The following HCN4 variants were observed in gnomAD, a reference collection of about 807,000 sequenced individuals.
The protein encoded by HCN4 is hyperpolarization activated cyclic nucleotide gated potassium channel 4.
In HCN4, 29 loss-of-function variants were observed where a neutral mutation model predicts 76.9. The observed-to-expected ratio is 0.38, with a 90% CI of 0.28 to 0.51. HCN4 has a LOEUF of 0.51. HCN4 is among the 20% of genes least tolerant of loss of function. HCN4 has a pLI of 0.90. For missense variants in HCN4, 1,416 were observed against 1,715.2 expected, an observed-to-expected ratio of 0.83 and a Z score of 3.08; for synonymous variants, 772 against 762.5, an observed-to-expected ratio of 1.01 and a Z score of -0.21.
Position 73,323,263 on chromosome 15 carries a change from C to T in HCN4, c.2830G>A (p.Ala944Thr), listed in dbSNP as rs777648103. Residue 944 changes from alanine (A) to threonine (T), a missense_variant, in exon 8 of 8, where the codon GCG becomes ACG. Physicochemically the swap from Ala to Thr is moderately conservative, Grantham distance 58. This residue lies in a region of HCN4 where 633 missense variants were observed against 579.8 expected (regional missense o/e 1.09). Transcript: ENST00000261917. ...RSPQAAQPSP[A>T]PPGARGGLGL... ...AGGCCTCCCCGGGCCCCGGGTGGCGCGGGAGATGGCTGGGCAGCCTGCGGG... is the reference window on the plus strand; with the variant it reads ...AGGCCTCCCCGGGCCCCGGGTGGCGTGGGAGATGGCTGGGCAGCCTGCGGG... 8.7e-5 allele frequency: 133 copies of T among 1,525,026 alleles called. No homozygotes were observed. In the South Asian group the frequency reaches 1.3e-3, roughly 14 times the overall value. 94.5% of individuals were successfully genotyped at this position (1,525,026 alleles called of 1,614,324 possible).
chr15:73,338,464 A>G (rs1353746437), intron 2 of HCN4, among the ~76,000 whole-genome samples: 1 of 152,128 alleles, frequency 6.6e-6, no homozygotes, highest in Non-Finnish European at 1.5e-5. Context: ...TTCCACCCCG[A>G]GCCTCAGTTT....
rs947950341 is a variant in HCN4 at position 73,322,625 on chromosome 15, T to C, written c.3468A>G (p.Thr1156=). ...PGQHVTLPRK[T]SSGSLPPPLS... is the part of the protein sequence containing the mutation. ...GAGGGGGTGGCAAAGAACCTGAGGA[T>C]GTCTTCCGAGGCAGAGTGACGTGCT... Residue 1156 remains threonine (T), a synonymous_variant, in exon 8 of 8, where the codon ACA becomes ACG. Coordinates refer to ENST00000261917, the MANE Select transcript of HCN4 (RefSeq NM_005477.3). 1.1e-5 allele frequency: 17 copies of C among 1,611,750 alleles called. No individual in the cohort carries two copies. The highest frequency in any genetic ancestry group is 1.2e-5 in the Non-Finnish European group (14 of 1,179,440).
intron 6 of HCN4, 39 bp from the exon 7 acceptor site, chr15:73,324,292 C>T: frequency 6.2e-7 from 1 of 1,606,412 alleles, no homozygotes. Flanking sequence ...GCATGCACAG[C>T]CTGCCCAGGC....
chr15:73,361,584 G>C (rs923969808), intron 1 of HCN4, among the ~76,000 whole-genome samples: 1 of 152,186 alleles, frequency 6.6e-6, no homozygotes, highest in Non-Finnish European at 1.5e-5. Context: ...CTGCCTCCTC[G>C]GTTCTAAGAC....
chr15:73,332,110 G>A (rs753494419), intron 3 of HCN4, 21 bp downstream of exon 3: 3 of 1,612,150 alleles, frequency 1.9e-6, no homozygotes, highest in Non-Finnish European at 2.5e-6. Context: ...CCAGAGAGAG[G>A]ACCGGGCTGG....
Position 73,325,332 on chromosome 15 carries a change from C to T in HCN4, c.1703G>A (p.Ser568Asn), listed in dbSNP as rs138714806. 1.2e-6 allele frequency: 2 copies of T among 1,614,072 alleles called. No individual in the cohort carries two copies. The highest frequency in any genetic ancestry group is 2.2e-5 in the South Asian group (2 of 91,086). ...RYQGKMFDEE[S>N]ILGELSEPLR... ...GGGCTCGCTTAGCTCGCCCAGGATG[C>T]TCTCCTCGTCGAACATCTTGCCCTG... Residue 568 changes from serine (S) to asparagine (N), a missense_variant, in exon 5 of 8, where the codon AGC (serine) becomes AAC (asparagine). By Grantham distance (46) the Ser-to-Asn change is conservative (BLOSUM62 1). Around this residue, in one of 6 missense-constraint regions of HCN4, gnomAD observed 241 missense variants for 379.4 expected, o/e 0.64. Coordinates refer to ENST00000261917, the MANE Select transcript of HCN4 (RefSeq NM_005477.3). The surrounding 1 kb of genome is among the most constrained non-coding windows in gnomAD (Gnocchi z 7.4).
At chr15:73,348,748 C>T (rs1334268766) in intron 1 of HCN4, among the ~76,000 whole-genome samples, 2 of 152,154 alleles carry the variant, frequency 1.3e-5, no homozygotes, top group African/African-American at 2.4e-5. Context: ...GACTGTAGCC[C>T]GTGGGTCTCC....
At position 73,346,628 on chromosome 15, in the gene HCN4, T is replaced by C. The variant is rs150281584; in HGVS notation, c.786-2820A>G. On this transcript the variant is annotated intron_variant, in intron 1 of 7. Coordinates refer to ENST00000261917, the MANE Select transcript of HCN4 (RefSeq NM_005477.3). ...AGATGCCCTCACCTCCAGAGACTCA[T>C]GGTCTGGTCAGAGCGCAAGGCTTGG... Among the ~76,000 whole-genome samples, 35 of 152,204 alleles carry C rather than the reference T, an allele frequency of 2.3e-4. No homozygotes were observed. In the Middle Eastern group the frequency reaches 0.014, roughly 59 times the overall value.
At position 73,367,811 on chromosome 15, in the gene HCN4, G is replaced by C; in HGVS notation, c.460C>G (p.Arg154Gly). ...GCGGGCTGCGCCGAGGCGCCGGGGC[G>C]CTCGGGCTCGGCCGCCAGGCCTGGG... ...TPPGLAAEPE[R>G]PGASAQPAAS... Residue 154 changes from arginine to glycine, a missense_variant, in exon 1 of 8, where the codon CGC becomes GGC. By Grantham distance (125) the Arg-to-Gly change is moderately radical (BLOSUM62 -2). Transcript: ENST00000261917. This position sits in a 1 kb window ranked among gnomAD's most constrained non-coding sequence, Gnocchi z 7.5. 8.1e-7 allele frequency: 1 copy of C among 1,238,040 alleles called. No individual in the cohort carries two copies. The highest frequency in any genetic ancestry group is 1.0e-6 in the Non-Finnish European group (1 of 996,272). 76.7% of individuals were successfully genotyped at this position (1,238,040 alleles called of 1,614,324 possible). A position where few individuals can be genotyped will look rare whatever the true frequency, so the allele number is the denominator to read the frequency against.
At chr15:73,359,187 G>C (rs898022024) in intron 1 of HCN4, among the ~76,000 whole-genome samples, 2 of 152,222 alleles carry the variant, frequency 1.3e-5, no homozygotes, top group Non-Finnish European at 2.9e-5. Context: ...TGCTTGCTCT[G>C]CAATTTGTGG....
Position 73,367,910 on chromosome 15 carries a change from G to T in HCN4, c.361C>A (p.His121Asn), listed in dbSNP as rs1238471471. 7.2e-7 allele frequency: 1 copy of T among 1,383,666 alleles called. No homozygotes were observed. 85.7% of individuals were successfully genotyped at this position (1,383,666 alleles called of 1,614,324 possible). ...GGTGSGSSHG[H>N]LHDSAEERRL... Reference sequence around the variant, plus strand: ...CGCTCCTCCGCGGAGTCATGCAGGTGTCCGTGACTGCTGCCGCTCCCCGTG... The same window carrying T: ...CGCTCCTCCGCGGAGTCATGCAGGTTTCCGTGACTGCTGCCGCTCCCCGTG... Residue 121 changes from histidine (H) to asparagine (N), a missense_variant, in exon 1 of 8, where the codon CAC (histidine) becomes AAC (asparagine). This residue lies in a region of HCN4 where 355 missense variants were observed against 347.8 expected (regional missense o/e 1.02). Coordinates refer to ENST00000261917, the MANE Select transcript of HCN4 (RefSeq NM_005477.3). The surrounding 1 kb of genome is among the most constrained non-coding windows in gnomAD (Gnocchi z 7.5).
intron 1 of HCN4, among the ~76,000 whole-genome samples, chr15:73,351,409 G>A (rs1423746810): frequency 6.6e-6 from 1 of 152,078 alleles, no homozygotes; most frequent in Non-Finnish European, 1.5e-5. Context: ...GATGTCCCAC[G>A]GGAACCTCAC....
intron 3 of HCN4, among the ~76,000 whole-genome samples, chr15:73,330,417 G>A (rs2042926066): frequency 6.6e-6 from 1 of 152,230 alleles, no homozygotes; most frequent in Admixed American, 6.5e-5. Context: ...GGGACAGGAG[G>A]AGGGAAGCTC....
chr15:73,351,837 T>C (rs1284286805), intron 1 of HCN4, among the ~76,000 whole-genome samples: 1 of 152,136 alleles, frequency 6.6e-6, no homozygotes, highest in Non-Finnish European at 1.5e-5. Flanking sequence ...TGCTCCCCAT[T>C]CCTCTCCTTG....
Position 73,322,046 on chromosome 15 carries a change from C to T in HCN4, c.*435G>A, listed in dbSNP as rs1377657253. 2 of 251,350 alleles carry T rather than the reference C, an allele frequency of 8.0e-6. No individual in the cohort carries two copies. The highest frequency in any genetic ancestry group is 1.5e-5 in the Non-Finnish European group (2 of 129,568). 15.6% of individuals were successfully genotyped at this position (251,350 alleles called of 1,614,324 possible). On this transcript the variant is annotated 3_prime_UTR_variant, in exon 8 of 8. Transcript: ENST00000261917. ...GCTTCTGAGGCTCCCCAGGGCACACCCCAGGGCAGCCCCTTTCTGGGGGCA... is the reference window on the plus strand; with the variant it reads ...GCTTCTGAGGCTCCCCAGGGCACACTCCAGGGCAGCCCCTTTCTGGGGGCA...
chr15:73,350,295 G>T (rs144942095), intron 1 of HCN4, among the ~76,000 whole-genome samples: 1 of 152,260 alleles, frequency 6.6e-6, no homozygotes, highest in Non-Finnish European at 1.5e-5. Context: ...GCACCGTCAT[G>T]AAATCCCAGC....
chr15:73,347,424 C>T (rs2043034454), intron 1 of HCN4, among the ~76,000 whole-genome samples: 1 of 152,150 alleles, frequency 6.6e-6, no homozygotes, highest in African/African-American at 2.4e-5. Context: ...GGTGTGGCCC[C>T]TGCCCCAGAG....
chr15:73,336,511 C>T (rs765171452), intron 2 of HCN4, among the ~76,000 whole-genome samples: 2 of 152,104 alleles, frequency 1.3e-5, no homozygotes, highest in African/African-American at 4.8e-5. Flanking sequence ...CAAATTGGCT[C>T]GTATGTCCAG....
chr15:73,324,646 C>T (rs1418589493), intron 6 of HCN4, among the ~76,000 whole-genome samples: 1 of 152,194 alleles, frequency 6.6e-6, no homozygotes, highest in Non-Finnish European at 1.5e-5. Context: ...CATGAGGACA[C>T]AGCGAGAAGT....
Sources: gnomAD v4.1 joint callset for allele counts (sites outside exome capture counted in the v4.1 genomes callset) on GRCh38, gnomAD v4.1.1 for gene constraint, gnomAD v4.1.1 regional missense constraint, Gnocchi (gnomAD v3.1) non-coding constraint, MANE v1.5 for transcripts, NCBI Gene and HGNC (gene_info 2026-07-23, HGNC 2026-07-21) for gene names.